EPDR1: variants seen among roughly 807,000 people sequenced by gnomAD.
The protein encoded by EPDR1 is mammalian ependymin-related protein 1.
A neutral mutation model predicts 23.7 loss-of-function variants in EPDR1; 27 were observed. That is an observed-to-expected ratio of 1.14 (90% CI 0.84 to 1.57). The LOEUF (loss-of-function observed/expected upper bound fraction) is 1.57, where lower values mean the gene tolerates loss of function less well. Among genes scored for constraint, EPDR1 ranks in the 40% most tolerant of loss-of-function variants. The pLI, the probability that EPDR1 is intolerant of heterozygous loss-of-function variation, is 0.00. For missense variants in EPDR1, 349 were observed against 290.4 expected (o/e 1.20, Z -1.47); for synonymous variants, 137 against 118.2 (o/e 1.16, Z -1.03).
In EPDR1 at chr7:37,950,205, A is replaced by ACC; in HGVS notation, c.485_486dup (p.Trp163ProfsTer20). The ACC allele has an allele frequency of 1.3e-6, 2 of 1,596,458 alleles. No homozygotes were observed. Among genetic ancestry groups the ACC allele is most frequent in the Non-Finnish European group, 1.7e-6 (2 of 1,167,650 alleles). On this transcript the variant is annotated frameshift_variant, in exon 3 of 3. Transcript: ENST00000199448. LOFTEE classifies it high-confidence loss of function. Reference sequence around the variant, plus strand: ...CAACTTTTTTCCTCTTATAGATGAAACCTGGATTGGCATCTATACAGTCAA... The same window carrying ACC: ...CAACTTTTTTCCTCTTATAGATGAAACCCCTGGATTGGCATCTATACAGTCAA...
chr7:37,937,514 T>C (rs2598105), intron 1 of EPDR1, among the ~76,000 whole-genome samples: 123,633 of 152,092 alleles, frequency 0.81, 50,458 homozygotes, highest in Middle Eastern at 0.87. Context: ...AGAAAAAAAT[T>C]CTGATGTGCA....
chr7:37,934,933 A>T (rs1786018349), intron 1 of EPDR1, among the ~76,000 whole-genome samples: 1 of 150,998 alleles, frequency 6.6e-6, no homozygotes, highest in Admixed American at 6.6e-5. Flanking sequence ...TGACAGAGTG[A>T]CACTTTGTCT....
At chr7:37,943,112 C>T (rs1786202474) in intron 1 of EPDR1, among the ~76,000 whole-genome samples, 1 of 152,220 alleles carries the variant, frequency 6.6e-6, no homozygotes, top group African/African-American at 2.4e-5. Context: ...CCTGCCCCTC[C>T]CAGTGAACTA....
chr7:37,921,047 G>T lies in EPDR1; in HGVS notation c.108G>T (p.Val36=). The change falls in exon 1 of 3, where the codon GTG becomes GTT. Residue 36 remains valine (V), a synonymous_variant. Transcript: ENST00000199448. ...GCGGCCTGTGCAGCCTGGGGGCGGT[G>T]GGAGCCCCGCGCCCGTGCCAGGCGC... ...TLCGLCSLGA[V]GAPRPCQAPQ... is the part of the protein sequence containing the mutation. 1.3e-6 allele frequency: 2 copies of T among 1,537,058 alleles called. No individual in the cohort carries two copies.
intron 1 of EPDR1, among the ~76,000 whole-genome samples, chr7:37,934,212 C>A (rs7790442): frequency 0.98 from 148,578 of 152,164 alleles, 72,664 homozygotes; most frequent in East Asian, 1. Flanking sequence ...TCCTGACCTC[C>A]TGATCCACCT....
chr7:37,930,955 C>T (rs1785924516), intron 1 of EPDR1, among the ~76,000 whole-genome samples: 1 of 152,098 alleles, frequency 6.6e-6, no homozygotes, highest in Non-Finnish European at 1.5e-5. Context: ...AGAAACAAGC[C>T]ATTTTACTCC....
In EPDR1 at chr7:37,920,748, G is replaced by A. The variant is rs532446763; in HGVS notation, c.-192G>A. The A allele has an allele frequency of 1.2e-6, 2 of 1,609,520 alleles. No homozygotes were observed. The highest frequency in any genetic ancestry group is 1.1e-5 in the South Asian group (1 of 90,164). Reference sequence around the variant, plus strand: ...TCACTGGAGCCTTCCCCGGGCCCTGGTCCCGGCTACCGGGACTCGCGCGTC... The same window carrying A: ...TCACTGGAGCCTTCCCCGGGCCCTGATCCCGGCTACCGGGACTCGCGCGTC... On this transcript the variant is annotated 5_prime_UTR_variant, in exon 1 of 3. Coordinates refer to ENST00000199448, the MANE Select transcript of EPDR1 (RefSeq NM_017549.5).
rs1455821329 is a variant in EPDR1, at chr7:37,921,083, G to A, written c.144G>A (p.Trp48Ter). ...APRPCQAPQQ[W>*]EGRQVMYQQS... ...GCCCGTGCCAGGCGCCGCAGCAGTGGGAGGGGCGCCAGGTTATGTACCAGC... is the reference window on the plus strand; with the variant it reads ...GCCCGTGCCAGGCGCCGCAGCAGTGAGAGGGGCGCCAGGTTATGTACCAGC... The change falls in exon 1 of 3, where the codon TGG becomes TGA. Residue 48 changes from tryptophan (W) to a stop codon, truncating the protein, a stop_gained. Coordinates refer to ENST00000199448, the MANE Select transcript of EPDR1 (RefSeq NM_017549.5). LOFTEE classifies it high-confidence loss of function. 1.9e-6 allele frequency: 3 copies of A among 1,579,494 alleles called. No individual in the cohort carries two copies. Among genetic ancestry groups the A allele is most frequent in the Non-Finnish European group, 2.6e-6 (3 of 1,169,604 alleles).
At chr7:37,934,521 T>C (rs1250680740) in intron 1 of EPDR1, among the ~76,000 whole-genome samples, 1 of 152,114 alleles carries the variant, frequency 6.6e-6, no homozygotes, top group Non-Finnish European at 1.5e-5. Flanking sequence ...TTCCTTTAGA[T>C]CTTCAAAGCC....
rs897250452 is a variant in EPDR1 at position 37,946,794 on chromosome 7, G to GT, written c.270-2036dup. On this transcript the variant is annotated intron_variant, in intron 1 of 2. Coordinates refer to ENST00000199448, the MANE Select transcript of EPDR1 (RefSeq NM_017549.5). ...TTTGTGTTGTAATTTTTAACACAAA[G>GT]TTTTTTTTTTAATAAAATAAATTTT... Among the ~76,000 whole-genome samples, 616 of 149,028 alleles carry GT rather than the reference G, an allele frequency of 4.1e-3. 4 individuals carry two copies. Among genetic ancestry groups the GT allele is most frequent in the African/African-American group, 0.014 (566 of 40,718 alleles).
chr7:37,922,840 G>T (rs1011689578), intron 1 of EPDR1, among the ~76,000 whole-genome samples: 2 of 152,288 alleles, frequency 1.3e-5, no homozygotes, highest in East Asian at 3.9e-4. Context: ...GTGGGATGAG[G>T]GGTGAGAGCT....
At chr7:37,923,674 T>C (rs1006798370) in intron 1 of EPDR1, among the ~76,000 whole-genome samples, 3 of 152,080 alleles carry the variant, frequency 2.0e-5, no homozygotes, top group Non-Finnish European at 4.4e-5. Flanking sequence ...AGGTAGTATT[T>C]TTTTTTTTAC....
intron 1 of EPDR1, among the ~76,000 whole-genome samples, chr7:37,944,501 C>T (rs902529404): frequency 6.6e-6 from 1 of 152,106 alleles, no homozygotes; most frequent in Non-Finnish European, 1.5e-5. Context: ...TAAAGACATA[C>T]CTGAGACTGG....
At chr7:37,941,715 C>A (rs1786174797) in intron 1 of EPDR1, among the ~76,000 whole-genome samples, 1 of 152,152 alleles carries the variant, frequency 6.6e-6, no homozygotes, top group South Asian at 2.1e-4. Context: ...TTGATAGAGA[C>A]ATAACCAAAT....
At position 37,920,951 on chromosome 7, in the gene EPDR1, C is replaced by T. The variant is rs1489239517; in HGVS notation, c.12C>T (p.Arg4=). 8.1e-6 allele frequency: 13 copies of T among 1,598,562 alleles called. No homozygotes were observed. Among genetic ancestry groups the T allele is most frequent in the African/African-American group, 8.0e-5 (6 of 74,790 alleles). Residue 4 remains arginine, a synonymous_variant, in exon 1 of 3, where the codon CGC becomes CGT. Coordinates refer to ENST00000199448, the MANE Select transcript of EPDR1 (RefSeq NM_017549.5). Reference sequence around the variant, plus strand: ...GAAGGCTGACCGCGATGCCAGGACGCGCTCCCCTCCGCACCGTCCCGGGCG... The same window carrying T: ...GAAGGCTGACCGCGATGCCAGGACGTGCTCCCCTCCGCACCGTCCCGGGCG... MPG[R]APLRTVPGAL...
chr7:37,934,443 C>A (rs10280174), intron 1 of EPDR1, among the ~76,000 whole-genome samples: 22,654 of 148,898 alleles, frequency 0.15, 1,810 homozygotes, highest in Middle Eastern at 0.21. Flanking sequence ...GGACTCTCCT[C>A]TTTTTTTTTT....
At chr7:37,942,814 T>G (rs1042124897) in intron 1 of EPDR1, among the ~76,000 whole-genome samples, 1 of 152,194 alleles carries the variant, frequency 6.6e-6, no homozygotes, top group African/African-American at 2.4e-5. Flanking sequence ...GCAAGAAAAC[T>G]TCCCCAGATT....
chr7:37,945,987 G>A (rs755878138), intron 1 of EPDR1, among the ~76,000 whole-genome samples: 26 of 152,218 alleles, frequency 1.7e-4, no homozygotes, highest in South Asian at 2.1e-4. Context: ...TTGCTTTTCC[G>A]TTTCTGTGTT....
chr7:37,929,494 AT>A (rs972520381), intron 1 of EPDR1, among the ~76,000 whole-genome samples: 4 of 151,422 alleles, frequency 2.6e-5, no homozygotes, highest in East Asian at 1.9e-4. Flanking sequence ...ACTAATTTTT[AT>A]TTTTTTTTGA....
Sources: gnomAD v4.1 joint callset for allele counts (sites outside exome capture counted in the v4.1 genomes callset) on GRCh38, gnomAD v4.1.1 for gene constraint, MANE v1.5 for transcripts, NCBI Gene and HGNC (gene_info 2026-07-23, HGNC 2026-07-21) for gene names.